Variants in STK4 observed in about 807,000 individuals in gnomAD.
STK4 encodes the protein serine/threonine-protein kinase 4.
Under a neutral mutation model 64.9 loss-of-function variants are expected in STK4, and 30 were observed. The observed-to-expected ratio is 0.46, with a 90% CI of 0.35 to 0.63. The LOEUF (loss-of-function observed/expected upper bound fraction) is 0.63, where lower values mean the gene tolerates loss of function less well. STK4 is among the 20% of genes least tolerant of loss of function. The pLI is 0.01. For synonymous variants in STK4, 177 were observed against 199.0 expected (o/e 0.89, Z 0.93); for missense variants, 466 against 598.5 (o/e 0.78, Z 2.31).
intron 9 of STK4, among the ~76,000 whole-genome samples, chr20:45,018,301 A>C (rs980219256): frequency 1.3e-5 from 2 of 152,208 alleles, no homozygotes; most frequent in South Asian, 2.1e-4. Context: ...GTTTGCACAG[A>C]ATTAATTACA....
chr20:45,025,741 C>T (rs2068333073), intron 10 of STK4, among the ~76,000 whole-genome samples: 1 of 152,076 alleles, frequency 6.6e-6, no homozygotes, highest in Admixed American at 6.6e-5. Flanking sequence ...TTCTTCTTGA[C>T]TATTACTAGA....
chr20:44,982,173 A>G (rs2067453852), intron 4 of STK4, among the ~76,000 whole-genome samples: 1 of 145,680 alleles, frequency 6.9e-6, no homozygotes, highest in Non-Finnish European at 1.5e-5. Context: ...GTGTAGTGGC[A>G]CAGTCATAGC....
Position 45,033,690 on chromosome 20 carries a change from C to T in STK4, c.1305+8560C>T, listed in dbSNP as rs142997306. On this transcript the variant is annotated intron_variant, in intron 10 of 10. Coordinates refer to ENST00000372806, the MANE Select transcript of STK4 (RefSeq NM_006282.5). ...TGCCTCCTGGGTTCAAGTGATTCTC[C>T]TGCCTCAGCCTCCTGAATAGCTGAG... Among the ~76,000 whole-genome samples, 595 of 152,258 alleles carry T rather than the reference C, an allele frequency of 3.9e-3. 1 individual carries two copies. Among genetic ancestry groups the T allele is most frequent in the African/African-American group, 0.013 (560 of 41,540 alleles).
intron 5 of STK4, among the ~76,000 whole-genome samples, chr20:44,989,169 A>T (rs1050361337): frequency 3.9e-5 from 6 of 152,150 alleles, no homozygotes; most frequent in Admixed American, 6.6e-5. Context: ...CTCTGTGTTT[A>T]ATTTTTTAAG....
chr20:45,037,908 T>C (rs1441652110), intron 10 of STK4, among the ~76,000 whole-genome samples: 3 of 152,164 alleles, frequency 2.0e-5, no homozygotes, highest in South Asian at 4.1e-4. Context: ...TTAGAAATCA[T>C]GATTGAAATG....
Position 45,055,065 on chromosome 20 carries a change from C to T in STK4, c.1306-19953C>T, listed in dbSNP as rs180784690. Among the ~76,000 whole-genome samples the T allele has an allele frequency of 8.6e-5, 13 of 151,984 alleles. 1 individual carries two copies. The East Asian group carries it at 2.5e-3, about 30-fold the overall frequency. On this transcript the variant is annotated intron_variant, in intron 10 of 10. Transcript: ENST00000372806. ...TGGGCATGTACACAATTTCTCTGGC[C>T]CCTGGATATCCCTGCTTCTCTTACA... is the stretch of plus-strand genomic sequence containing the variant.
At chr20:44,989,870 C>G (rs560022732) in intron 5 of STK4, among the ~76,000 whole-genome samples, 1 of 152,070 alleles carries the variant, frequency 6.6e-6, no homozygotes, top group Non-Finnish European at 1.5e-5. Flanking sequence ...GAGTTTATTT[C>G]TATGCCTTCA....
chr20:44,996,751 C>T (rs1416490332), intron 6 of STK4, among the ~76,000 whole-genome samples: 7 of 152,008 alleles, frequency 4.6e-5, no homozygotes, highest in Admixed American at 4.6e-4. Context: ...TGGTTGATGA[C>T]CTTATTGTGT....
chr20:45,011,729 AT>A (rs869113711), intron 9 of STK4, among the ~76,000 whole-genome samples: 2,114 of 115,294 alleles, frequency 0.018, 43 homozygotes, highest in Middle Eastern at 0.029. Context: ...ATATATATAT[AT>A]TTTTTTTTTT....
intron 9 of STK4, among the ~76,000 whole-genome samples, chr20:45,024,539 C>A (rs1412751278): frequency 1.3e-5 from 2 of 152,132 alleles, no homozygotes; most frequent in Non-Finnish European, 2.9e-5. Context: ...AGTCACCCTA[C>A]TGTATCATCC....
At chr20:45,049,392 T>C (rs773588987) in intron 10 of STK4, among the ~76,000 whole-genome samples, 22 of 152,222 alleles carry the variant, frequency 1.4e-4, no homozygotes, top group Non-Finnish European at 3.1e-4. Context: ...TTCCTAGATA[T>C]GCAGGACCAA....
rs1287175913 is a variant in STK4, at chr20:45,016,914, T to C, written c.1148-8059T>C. ...TCTTTCTTCATCAGTTAGTGGAATA[T>C]ATTATTTCTCTGTTGCTCTAAGCTT... On this transcript the variant is annotated intron_variant, in intron 9 of 10. Transcript: ENST00000372806. Among the ~76,000 whole-genome samples, 5 of 152,342 alleles carry C rather than the reference T, an allele frequency of 3.3e-5. No homozygotes were observed. The East Asian group carries it at 7.7e-4, about 23-fold the overall frequency.
chr20:45,001,143 A>G (rs975853028), intron 8 of STK4, 24 bp from the exon 9 acceptor site: 11 of 1,589,972 alleles, frequency 6.9e-6, no homozygotes, highest in East Asian at 2.3e-5. Flanking sequence ...ATTAGCCCCA[A>G]TTTGAGATTG....
chr20:45,024,911 T>C (rs2068316142), intron 9 of STK4, 62 bp from the exon 10 acceptor site: 1 of 1,434,336 alleles, frequency 7.0e-7, no homozygotes, highest in Non-Finnish European at 9.2e-7. Context: ...ATATGTCTAT[T>C]TATTAAACTT....
chr20:45,016,208 T>A (rs942705709), intron 9 of STK4, among the ~76,000 whole-genome samples: 1 of 152,224 alleles, frequency 6.6e-6, no homozygotes, highest in African/African-American at 2.4e-5. Context: ...GTTTTGAGAA[T>A]CTATTAAATA....
intron 9 of STK4, among the ~76,000 whole-genome samples, chr20:45,011,786 C>T (rs1445591223): frequency 7.3e-6 from 1 of 136,606 alleles, no homozygotes; most frequent in Non-Finnish European, 1.5e-5. Context: ...GCTTATGTTA[C>T]AGTAAATAAC....
At chr20:45,041,207 G>T (rs1036291762) in intron 10 of STK4, among the ~76,000 whole-genome samples, 2 of 151,910 alleles carry the variant, frequency 1.3e-5, no homozygotes, top group Admixed American at 6.6e-5. Context: ...GTTCCAAGGG[G>T]CAAGTCTACA....
Position 44,993,336 on chromosome 20 carries a change from A to G in STK4, c.526-1754A>G, listed in dbSNP as rs145756313. ...TATTGCTATGCTATTGTACTAATAT[A>G]ACTTTATAATACAAATCTAAGTGGG... On this transcript the variant is annotated intron_variant, in intron 5 of 10. Transcript: ENST00000372806. Among the ~76,000 whole-genome samples, 439 of 152,302 alleles carry G rather than the reference A, an allele frequency of 2.9e-3. 3 individuals carry two copies. The highest frequency in any genetic ancestry group is 0.01 in the African/African-American group (426 of 41,558).
chr20:44,991,927 G>C (rs1196946223), intron 5 of STK4, among the ~76,000 whole-genome samples: 2 of 152,114 alleles, frequency 1.3e-5, no homozygotes, highest in Non-Finnish European at 2.9e-5. Flanking sequence ...GCGTGCCAAA[G>C]TGCTGGGATT....
Sources: allele counts gnomAD v4.1 joint callset (sites outside exome capture counted in the v4.1 genomes callset), GRCh38; gene constraint gnomAD v4.1.1; transcripts MANE v1.5; gene names NCBI Gene and HGNC (gene_info 2026-07-23, HGNC 2026-07-21).